EPHA6: variants seen among roughly 807,000 people sequenced by gnomAD.
The protein encoded by EPHA6 is ephrin type-A receptor 6.
In EPHA6, 50 loss-of-function variants were observed where a neutral mutation model predicts 112.0. The observed-to-expected ratio is 0.45, with a 90% CI of 0.36 to 0.56. The LOEUF is 0.56. Ranked by LOEUF, EPHA6 falls within the 20% of genes least tolerant of loss-of-function variation. The pLI is 0.00. For missense variants in EPHA6, 1,280 were observed against 1,417.4 expected (o/e 0.90, Z 1.56); for synonymous variants, 529 against 490.7 (o/e 1.08, Z -1.03).
chr3:97,713,531 T>A (rs2034074344), intron 14 of EPHA6, among the ~76,000 whole-genome samples: 1 of 152,240 alleles, frequency 6.6e-6, no homozygotes, highest in East Asian at 1.9e-4. Context: ...ACCAATATTT[T>A]AAAAATACTG....
At position 97,749,114 on chromosome 3, in the gene EPHA6, A is replaced by T. The variant is rs1303187633; in HGVS notation, c.*413A>T. On this transcript the variant is annotated 3_prime_UTR_variant, in exon 18 of 18. Coordinates refer to ENST00000389672, the MANE Select transcript of EPHA6 (RefSeq NM_001080448.3). ...TTTCTTTCATGTTTTGTGATCAAGT[A>T]GCTTCCAAACTGACAGAAATGTTTC... 1 of 238,626 alleles carries T rather than the reference A, an allele frequency of 4.2e-6. No homozygotes were observed. The highest frequency in any genetic ancestry group is 8.3e-6 in the Non-Finnish European group (1 of 120,864). The allele number at this position is 238,626 out of a possible 1,614,324, so 14.8% of individuals were successfully genotyped here.
At chr3:97,236,171 A>G (rs1337228438) in intron 4 of EPHA6, among the ~76,000 whole-genome samples, 1 of 151,942 alleles carries the variant, frequency 6.6e-6, no homozygotes, top group African/African-American at 2.4e-5. Context: ...AGATCCTGCT[A>G]TCTGCCAAGA....
intron 6 of EPHA6, among the ~76,000 whole-genome samples, chr3:97,410,000 G>A (rs2087607927): frequency 6.6e-6 from 1 of 151,976 alleles, no homozygotes; most frequent in South Asian, 2.1e-4. Context: ...TGACACTGAG[G>A]ACAGTGTATT....
intron 15 of EPHA6, among the ~76,000 whole-genome samples, chr3:97,724,909 T>G (rs2034690829): frequency 6.6e-6 from 1 of 152,104 alleles, no homozygotes. Flanking sequence ...GCCTTCTACT[T>G]GTTTTTTAAA....
intron 5 of EPHA6, among the ~76,000 whole-genome samples, chr3:97,319,386 T>A (rs572993350): frequency 1.3e-5 from 2 of 150,776 alleles, no homozygotes; most frequent in South Asian, 4.2e-4. Flanking sequence ...ACCGAAAAAA[T>A]ATCTGGCACA....
At chr3:96,990,209 A>G (rs2043164995) in intron 3 of EPHA6, among the ~76,000 whole-genome samples, 1 of 152,176 alleles carries the variant, frequency 6.6e-6, no homozygotes, top group Non-Finnish European at 1.5e-5. Flanking sequence ...ACCAACCGTG[A>G]TGTCTAGATT....
At chr3:97,220,546 G>A (rs923877148) in intron 3 of EPHA6, among the ~76,000 whole-genome samples, 5 of 152,154 alleles carry the variant, frequency 3.3e-5, no homozygotes, top group African/African-American at 4.8e-5. Context: ...GGGGAAGCAA[G>A]GGACCTTCTT....
chr3:97,203,976 A>G (rs2077646611), intron 3 of EPHA6, among the ~76,000 whole-genome samples: 1 of 152,172 alleles, frequency 6.6e-6, no homozygotes, highest in Non-Finnish European at 1.5e-5. Context: ...TAAAGCTTAA[A>G]GTATAAAAAT....
chr3:97,287,155 G>A (rs750175519), intron 5 of EPHA6, among the ~76,000 whole-genome samples: 1 of 152,042 alleles, frequency 6.6e-6, no homozygotes, highest in Non-Finnish European at 1.5e-5. Flanking sequence ...GAGTGTTTAG[G>A]TATTTTTATA....
At chr3:97,327,841 A>G (rs1014801795) in intron 5 of EPHA6, among the ~76,000 whole-genome samples, 3 of 143,650 alleles carry the variant, frequency 2.1e-5, no homozygotes, top group African/African-American at 8.5e-5. Flanking sequence ...GTGTGTGTAT[A>G]TATATATATA....
At chr3:97,589,650 A>G (rs2093524922) in intron 11 of EPHA6, among the ~76,000 whole-genome samples, 1 of 152,162 alleles carries the variant, frequency 6.6e-6, no homozygotes, top group Non-Finnish European at 1.5e-5. Flanking sequence ...GTTATCATGA[A>G]AGTGGAGAAC....
chr3:97,274,039 A>G (rs2079982634), intron 5 of EPHA6, among the ~76,000 whole-genome samples: 1 of 152,172 alleles, frequency 6.6e-6, no homozygotes, highest in African/African-American at 2.4e-5. Flanking sequence ...AACACTGAGA[A>G]GTGATTTCCT....
At chr3:97,588,361 TTCTG>T (rs2093511222) in intron 11 of EPHA6, among the ~76,000 whole-genome samples, 2 of 152,320 alleles carry the variant, frequency 1.3e-5, no homozygotes, top group Admixed American at 1.3e-4. Context: ...ATTCTAAATT[TTCTG>T]TCTTTTATTA....
At chr3:97,310,808 C>A (rs1354085616) in intron 5 of EPHA6, among the ~76,000 whole-genome samples, 1 of 151,716 alleles carries the variant, frequency 6.6e-6, no homozygotes, top group East Asian at 1.9e-4. Context: ...TAAATATTAA[C>A]TGTTTGTTAT....
rs543414990 is a variant in EPHA6 at position 97,595,966 on chromosome 3, C to T, written c.2512+3229C>T. Among the ~76,000 whole-genome samples the T allele has an allele frequency of 7.7e-4, 108 of 140,710 alleles. 1 individual carries two copies. Among genetic ancestry groups the T allele is most frequent in the Middle Eastern group, 9.0e-3 (2 of 222 alleles). The allele number at this position is 140,710 out of a possible 152,430, so 92.3% of individuals were successfully genotyped here. A position where few individuals can be genotyped will look rare whatever the true frequency, so the allele number is the denominator to read the frequency against. ...TGTCGCCCAGGCTGGAGTGCAGTGG[C>T]ACGATCTCGGCTCACTGCAAGCTTC... On this transcript the variant is annotated intron_variant, in intron 12 of 17. Coordinates refer to ENST00000389672, the MANE Select transcript of EPHA6 (RefSeq NM_001080448.3).
At chr3:97,318,895 G>A (rs1236955786) in intron 5 of EPHA6, among the ~76,000 whole-genome samples, 1 of 151,560 alleles carries the variant, frequency 6.6e-6, no homozygotes, top group African/African-American at 2.4e-5. Context: ...TCTATTTATT[G>A]TTATTTATGC....
At chr3:97,095,024 C>T (rs2047191257) in intron 3 of EPHA6, among the ~76,000 whole-genome samples, 2 of 151,890 alleles carry the variant, frequency 1.3e-5, no homozygotes, top group South Asian at 2.1e-4. Flanking sequence ...TGATCCCCAT[C>T]GCCTATGATT....
chr3:97,065,329 T>A (rs1236060868), intron 3 of EPHA6, among the ~76,000 whole-genome samples: 1 of 152,178 alleles, frequency 6.6e-6, no homozygotes, highest in Non-Finnish European at 1.5e-5. Context: ...ATGTTCAAAG[T>A]AGAGTCCATG....
At chr3:97,552,539 A>G (rs1360294409) in intron 11 of EPHA6, among the ~76,000 whole-genome samples, 1 of 152,186 alleles carries the variant, frequency 6.6e-6, no homozygotes, top group South Asian at 2.1e-4. Flanking sequence ...TGTGTTAAAG[A>G]TATCTCTCTT....
Sources: gnomAD v4.1 joint callset for allele counts (sites outside exome capture counted in the v4.1 genomes callset) on GRCh38, gnomAD v4.1.1 for gene constraint, MANE v1.5 for transcripts, NCBI Gene and HGNC (gene_info 2026-07-23, HGNC 2026-07-21) for gene names.